SLC35F3: variants seen among roughly 807,000 people sequenced by gnomAD.
SLC35F3 encodes the protein solute carrier family 35 member F3.
SLC35F3 carries 25 observed loss-of-function variants against 49.9 expected under a neutral mutation model. The observed-to-expected ratio is 0.50, with a 90% CI of 0.37 to 0.70. SLC35F3 has a LOEUF of 0.70. Ranked by LOEUF, SLC35F3 falls within the 30% of genes least tolerant of loss-of-function variation. SLC35F3 has a pLI of 0.00. For missense variants in SLC35F3, 525 were observed against 639.8 expected (o/e 0.82, Z 1.94); for synonymous variants, 275 against 265.4 (o/e 1.04, Z -0.35).
intron 2 of SLC35F3, among the ~76,000 whole-genome samples, chr1:234,098,836 CTA>C (rs889491874): frequency 1.5e-4 from 15 of 101,726 alleles, no homozygotes; most frequent in Admixed American, 5.7e-4. Context: ...GAGGTGGTGA[CTA>C]TGTTGGTGGT....
intron 2 of SLC35F3, among the ~76,000 whole-genome samples, chr1:234,128,457 T>G (rs1665681891): frequency 6.6e-6 from 1 of 152,130 alleles, no homozygotes; most frequent in Non-Finnish European, 1.5e-5. Context: ...GCATGCCTGC[T>G]CTGAAAGTTA....
At chr1:233,921,872 C>T (rs975800229) in intron 2 of SLC35F3, among the ~76,000 whole-genome samples, 5 of 150,830 alleles carry the variant, frequency 3.3e-5, no homozygotes, top group Admixed American at 6.6e-5. Flanking sequence ...CAATTCCCAC[C>T]TGTGAGTGAG....
At chr1:233,937,302 T>C (rs530347885) in intron 2 of SLC35F3, among the ~76,000 whole-genome samples, 1 of 152,354 alleles carries the variant, frequency 6.6e-6, no homozygotes, top group African/African-American at 2.4e-5. Flanking sequence ...AAGATCAGGA[T>C]ACAAAAAGTA....
intron 3 of SLC35F3, among the ~76,000 whole-genome samples, chr1:234,300,192 G>A (rs1342535067): frequency 2.0e-5 from 3 of 152,158 alleles, no homozygotes; most frequent in South Asian, 2.1e-4. Flanking sequence ...ACTGGCTGAC[G>A]AACAGAAACG....
chr1:234,019,595 C>T (rs1370447607), intron 2 of SLC35F3, among the ~76,000 whole-genome samples: 2 of 152,174 alleles, frequency 1.3e-5, no homozygotes, highest in African/African-American at 4.8e-5. Flanking sequence ...GGCCCACCTA[C>T]ATTTTGGAAA....
intron 6 of SLC35F3, among the ~76,000 whole-genome samples, chr1:234,319,322 C>A (rs1657561766): frequency 6.6e-6 from 1 of 152,140 alleles, no homozygotes; most frequent in African/African-American, 2.4e-5. Flanking sequence ...TTATTAATAT[C>A]ATCATCATTG....
intron 3 of SLC35F3, among the ~76,000 whole-genome samples, chr1:234,291,530 A>G (rs924023682): frequency 6.6e-6 from 1 of 152,130 alleles, no homozygotes; most frequent in Non-Finnish European, 1.5e-5. Flanking sequence ...CAGTGGTGCA[A>G]TCATGGCTCA....
intron 2 of SLC35F3, among the ~76,000 whole-genome samples, chr1:233,952,361 A>G (rs894881172): frequency 6.6e-6 from 1 of 152,112 alleles, no homozygotes; most frequent in Non-Finnish European, 1.5e-5. Context: ...TCCTAGAACA[A>G]TTATTTGTGG....
intron 2 of SLC35F3, among the ~76,000 whole-genome samples, chr1:234,120,060 C>T (rs887191304): frequency 6.6e-5 from 10 of 152,172 alleles, no homozygotes; most frequent in Admixed American, 5.2e-4. Flanking sequence ...AGGGACAGTT[C>T]ATGCTTTGCC....
intron 2 of SLC35F3, among the ~76,000 whole-genome samples, chr1:234,155,419 T>C (rs1666137350): frequency 6.9e-6 from 1 of 144,832 alleles, no homozygotes; most frequent in Non-Finnish European, 1.5e-5. Flanking sequence ...TTATTATTAT[T>C]ATTTTTGAGA....
intron 2 of SLC35F3, among the ~76,000 whole-genome samples, chr1:234,163,056 C>T (rs1221708597): frequency 6.6e-6 from 1 of 152,214 alleles, no homozygotes; most frequent in Non-Finnish European, 1.5e-5. Flanking sequence ...TCACAGCTCC[C>T]ACAGCTCCTT....
chr1:234,103,455 C>T (rs1665241743), intron 2 of SLC35F3, among the ~76,000 whole-genome samples: 1 of 152,220 alleles, frequency 6.6e-6, no homozygotes, highest in Non-Finnish European at 1.5e-5. Flanking sequence ...TTCTCCAAAA[C>T]CCTGCCTGCT....
intron 2 of SLC35F3, among the ~76,000 whole-genome samples, chr1:234,096,959 G>A (rs961878729): frequency 6.7e-6 from 1 of 149,388 alleles, no homozygotes; most frequent in Non-Finnish European, 1.5e-5. Flanking sequence ...GTGTGCTCTC[G>A]GCTCACCACA....
intron 6 of SLC35F3, among the ~76,000 whole-genome samples, chr1:234,319,732 C>CA (rs1475484696): frequency 6.6e-5 from 10 of 151,510 alleles, no homozygotes; most frequent in Admixed American, 2.6e-4. Context: ...CAAAACAAAA[C>CA]AAAAAAACAA....
chr1:234,098,337 TTGGTGG>T (rs570257543), intron 2 of SLC35F3, among the ~76,000 whole-genome samples: 3 of 110,336 alleles, frequency 2.7e-5, no homozygotes, highest in Non-Finnish European at 3.8e-5. Flanking sequence ...GGTGATTGTG[TTGGTGG>T]TGGTGGTGGC....
At chr1:234,318,687 T>C (rs1289327611) in intron 5 of SLC35F3, 64 bp from the exon 6 acceptor site, 2 of 1,441,212 alleles carry the variant, frequency 1.4e-6, no homozygotes, top group Non-Finnish European at 1.9e-6. Context: ...AACTCTGCTT[T>C]GCTTACATCA....
chr1:234,179,155 C>T (rs1396172879), intron 2 of SLC35F3, among the ~76,000 whole-genome samples: 1 of 152,188 alleles, frequency 6.6e-6, no homozygotes, highest in Non-Finnish European at 1.5e-5. Flanking sequence ...ACTTCCTCAG[C>T]TGCGATCATT....
chr1:234,023,167 G>C (rs1426182287), intron 2 of SLC35F3, among the ~76,000 whole-genome samples: 1 of 152,160 alleles, frequency 6.6e-6, no homozygotes, highest in Non-Finnish European at 1.5e-5. Flanking sequence ...GAAAAAGGGA[G>C]AAGACCCAGG....
chr1:233,917,397 A>G (rs945216425), intron 2 of SLC35F3, among the ~76,000 whole-genome samples: 5 of 152,192 alleles, frequency 3.3e-5, no homozygotes, highest in Non-Finnish European at 7.3e-5. Context: ...TGCTGTAATC[A>G]GAGTTCTAAT....
Sources: gnomAD v4.1 joint callset for allele counts (sites outside exome capture counted in the v4.1 genomes callset) on GRCh38, gnomAD v4.1.1 for gene constraint, MANE v1.5 for transcripts, NCBI Gene and HGNC (gene_info 2026-07-23, HGNC 2026-07-21) for gene names.